Variants in UBE4B observed in about 807,000 individuals in gnomAD.
UBE4B encodes ubiquitin conjugation factor E4 B.
UBE4B carries 27 observed loss-of-function variants against 148.1 expected under a neutral mutation model. The ratio of observed to expected loss-of-function variants is 0.18; its 90% CI spans 0.13 to 0.25. UBE4B has a LOEUF of 0.25. UBE4B is among the 10% of genes least tolerant of loss of function. The probability of loss-of-function intolerance (pLI) is 1.00; values close to 1 mark genes in which losing one functional copy is unlikely to be tolerated. For missense variants in UBE4B, 1,170 were observed against 1,662.4 expected, an observed-to-expected ratio of 0.70 and a Z score of 5.15; for synonymous variants, 596 against 619.3, an observed-to-expected ratio of 0.96 and a Z score of 0.56.
At chr1:10,052,615 A>G (rs942379673) in intron 1 of UBE4B, among the ~76,000 whole-genome samples, 1 of 152,170 alleles carries the variant, frequency 6.6e-6, no homozygotes, top group Non-Finnish European at 1.5e-5. Context: ...GCTTGGTTTA[A>G]TGCTCTGCTG....
intron 7 of UBE4B, among the ~76,000 whole-genome samples, chr1:10,107,707 A>T (rs375145817): frequency 1.0e-3 from 151 of 151,454 alleles, no homozygotes; most frequent in African/African-American, 3.5e-3. Context: ...ACTCCCAAGT[A>T]GCTGGGATTA....
At position 10,151,400 on chromosome 1, in the gene UBE4B, A is replaced by G. The variant is rs1570987183; in HGVS notation, c.2765A>G (p.Gln922Arg). The G allele has an allele frequency of 6.2e-7, 1 of 1,614,212 alleles. No individual in the cohort carries two copies. Among genetic ancestry groups the G allele is most frequent in the Non-Finnish European group, 8.5e-7 (1 of 1,180,038 alleles). Residue 922 changes from glutamine (Q) to arginine (R), a missense_variant, in exon 21 of 28, where the codon CAG (glutamine) becomes CGG (arginine). Gln to Arg is a conservative substitution (Grantham distance 43). Around this residue, in one of 6 missense-constraint regions of UBE4B, gnomAD observed 348 missense variants for 627.2 expected, o/e 0.55. Transcript: ENST00000343090. ...VMFLVVMLCNQNYIRNPYLVA... is the reference protein window; with the variant it reads ...VMFLVVMLCNRNYIRNPYLVA... ...TTCCTTGTTGTGATGTTGTGCAACC[A>G]GAACTACATCCGAAACCCATATTTG...
intron 25 of UBE4B, among the ~76,000 whole-genome samples, chr1:10,178,214 A>G (rs1003938648): frequency 6.6e-6 from 1 of 152,128 alleles, no homozygotes; most frequent in African/African-American, 2.4e-5. Flanking sequence ...TTTGTGGAAG[A>G]GAGCTGAAAT....
chr1:10,179,764 C>A (rs1046705377), intron 27 of UBE4B, 131 bp from the exon 28 acceptor site: 2 of 1,366,120 alleles, frequency 1.5e-6, no homozygotes, highest in Non-Finnish European at 2.0e-6. Flanking sequence ...ATGTCCCAGT[C>A]CTTCTGGAGT....
At chr1:10,154,264 CAA>C (rs1265347061) in intron 21 of UBE4B, among the ~76,000 whole-genome samples, 1 of 150,880 alleles carries the variant, frequency 6.6e-6, no homozygotes, top group Non-Finnish European at 1.5e-5. Flanking sequence ...AAAAACAAAA[CAA>C]AACAAAATTA....
intron 1 of UBE4B, among the ~76,000 whole-genome samples, chr1:10,069,726 G>A (rs1644451490): frequency 6.6e-6 from 1 of 152,008 alleles, no homozygotes; most frequent in African/African-American, 2.4e-5. Flanking sequence ...GTAGAGACAG[G>A]GTTTTGCCGT....
At chr1:10,082,494 T>C (rs1387053279) in intron 2 of UBE4B, among the ~76,000 whole-genome samples, 1 of 152,058 alleles carries the variant, frequency 6.6e-6, no homozygotes, top group Non-Finnish European at 1.5e-5. Context: ...AGTGAGACTC[T>C]GTCTCAAAAA....
intron 21 of UBE4B, among the ~76,000 whole-genome samples, chr1:10,153,572 G>T (rs1431489982): frequency 6.8e-6 from 1 of 146,572 alleles, no homozygotes; most frequent in African/African-American, 2.5e-5. Context: ...TGTAATCCCA[G>T]CACTTTGGGA....
At position 10,161,194 on chromosome 1, in the gene UBE4B, T is replaced by A; in HGVS notation, c.3106T>A (p.Phe1036Ile). ...AAACATGTTGATAAACGACACGACGTTTTTGCTCGATGAAAGTCTGGAGTC... is the reference window on the plus strand; with the variant it reads ...AAACATGTTGATAAACGACACGACGATTTTGCTCGATGAAAGTCTGGAGTC... ...YINMLINDTT[F>I]LLDESLESLK... The change falls in exon 23 of 28, where the codon TTT (phenylalanine) becomes ATT (isoleucine). Residue 1036 changes from phenylalanine to isoleucine, a missense_variant. Coordinates refer to ENST00000343090, the MANE Select transcript of UBE4B (RefSeq NM_001105562.3). The surrounding 1 kb of genome is among the most constrained non-coding windows in gnomAD (Gnocchi z 4.1). 1 of 1,614,052 alleles carries A rather than the reference T, an allele frequency of 6.2e-7. No individual in the cohort carries two copies. The highest frequency in any genetic ancestry group is 8.5e-7 in the Non-Finnish European group (1 of 1,180,000).
chr1:10,097,052 A>AAAAAAAT (rs554089049), intron 3 of UBE4B, among the ~76,000 whole-genome samples: 33 of 138,526 alleles, frequency 2.4e-4, no homozygotes, highest in African/African-American at 7.9e-4. Context: ...AAAAAAAAAA[A>AAAAAAAT]AATAATAATA....
intron 1 of UBE4B, among the ~76,000 whole-genome samples, chr1:10,046,000 G>C (rs1421450793): frequency 6.6e-6 from 1 of 152,234 alleles, no homozygotes; most frequent in African/African-American, 2.4e-5. Context: ...TGGTATGGCA[G>C]CTCTGCGCTC....
chr1:10,040,680 C>T (rs1295079999), intron 1 of UBE4B, among the ~76,000 whole-genome samples: 2 of 151,254 alleles, frequency 1.3e-5, no homozygotes, highest in African/African-American at 4.9e-5. Flanking sequence ...TGCAATGGCG[C>T]GATCTCAGCT....
rs1176473152 is a variant in UBE4B, at chr1:10,155,082, A to AGT, written c.2927-3273_2927-3272insTG. On this transcript the variant is annotated intron_variant, in intron 21 of 27. Coordinates refer to ENST00000343090, the MANE Select transcript of UBE4B (RefSeq NM_001105562.3). ...GGCTTCAGGAGAGAGAGAGAGAGAGAGAGTGTGTGTGTGTGTGTGTGTGTG... is the reference window on the plus strand; with the variant it reads ...GGCTTCAGGAGAGAGAGAGAGAGAGAGTGAGTGTGTGTGTGTGTGTGTGTGTG... Among the ~76,000 whole-genome samples the AGT allele has an allele frequency of 3.2e-3, 465 of 147,568 alleles. 2 individuals carry two copies. Among genetic ancestry groups the AGT allele is most frequent in the African/African-American group, 0.011 (440 of 38,262 alleles).
chr1:10,129,249 G>C lies in UBE4B; in HGVS notation c.1639-143G>C, dbSNP rs921474702. The C allele has an allele frequency of 4.7e-5, 26 of 548,234 alleles. No homozygotes were observed. The East Asian group carries it at 7.3e-4, about 15-fold the overall frequency. 34.0% of individuals were successfully genotyped at this position (548,234 alleles called of 1,614,324 possible). ...TTTATTAATCAGAAAAAGTAGTGAA[G>C]CTGCTGCCATTTCAGAGGGAATGCA... On this transcript the variant is annotated intron_variant, in intron 11 of 27. Coordinates refer to ENST00000343090, the MANE Select transcript of UBE4B (RefSeq NM_001105562.3).
intron 1 of UBE4B, among the ~76,000 whole-genome samples, chr1:10,071,006 C>G (rs1644474672): frequency 6.6e-6 from 1 of 152,078 alleles, no homozygotes; most frequent in African/African-American, 2.4e-5. Flanking sequence ...CCCTCCACCT[C>G]CCGAGTTCAA....
chr1:10,161,320 G>A lies in UBE4B; in HGVS notation c.3198+34G>A, dbSNP rs375348087. On this transcript the variant is annotated intron_variant, in intron 23 of 27. Transcript: ENST00000343090. The surrounding 1 kb of genome is among the most constrained non-coding windows in gnomAD (Gnocchi z 4.1). ...GTGGTCCAGAGGCTTGGACAGCTTTGCAGGCCATCTGCCTCCACACACGGG... is the reference window on the plus strand; with the variant it reads ...GTGGTCCAGAGGCTTGGACAGCTTTACAGGCCATCTGCCTCCACACACGGG... 4.4e-6 allele frequency: 7 copies of A among 1,604,574 alleles called. No individual in the cohort carries two copies. Among genetic ancestry groups the A allele is most frequent in the Middle Eastern group, 3.4e-4 (2 of 5,948 alleles).
At chr1:10,062,299 A>T (rs879392381) in intron 1 of UBE4B, among the ~76,000 whole-genome samples, 17 of 151,510 alleles carry the variant, frequency 1.1e-4, no homozygotes, top group Admixed American at 9.9e-4. Flanking sequence ...TTAAAAATAC[A>T]TTCGATGTGT....
Position 10,033,413 on chromosome 1 carries a change from C to T in UBE4B, c.-258C>T. 5.4e-6 allele frequency: 2 copies of T among 373,696 alleles called. No individual in the cohort carries two copies. The highest frequency in any genetic ancestry group is 9.6e-6 in the Non-Finnish European group (2 of 209,298). 23.1% of individuals were successfully genotyped at this position (373,696 alleles called of 1,614,324 possible). On this transcript the variant is annotated 5_prime_UTR_variant, in exon 1 of 28. Coordinates refer to ENST00000343090, the MANE Select transcript of UBE4B (RefSeq NM_001105562.3). Reference sequence around the variant, plus strand: ...GCGCCTTAAGACAACCCTGTAGCAGCAGCAGTGGCGGCCAAAGGAGGCTGC... The same window carrying T: ...GCGCCTTAAGACAACCCTGTAGCAGTAGCAGTGGCGGCCAAAGGAGGCTGC...
Position 10,101,578 on chromosome 1 carries a change from G to A in UBE4B, c.435+383G>A, listed in dbSNP as rs113284479. Reference sequence around the variant, plus strand: ...GGCTGGAGTGCAGTGGTGCGATCTCGGCTCACTGCAAGCTCCGCCTCCCAG... The same window carrying A: ...GGCTGGAGTGCAGTGGTGCGATCTCAGCTCACTGCAAGCTCCGCCTCCCAG... On this transcript the variant is annotated intron_variant, in intron 4 of 27. Coordinates refer to ENST00000343090, the MANE Select transcript of UBE4B (RefSeq NM_001105562.3). 7.2e-3 allele frequency among the ~76,000 whole-genome samples: 995 copies of A among 138,924 alleles called. 15 individuals are homozygous for A. The highest frequency in any genetic ancestry group is 0.026 in the African/African-American group (954 of 36,518). The allele number at this position is 138,924 out of a possible 152,430, so 91.1% of individuals were successfully genotyped here.
Sources: allele counts gnomAD v4.1 joint callset (sites outside exome capture counted in the v4.1 genomes callset), GRCh38; gene constraint gnomAD v4.1.1; regional missense constraint gnomAD v4.1.1; non-coding constraint Gnocchi (gnomAD v3.1); transcripts MANE v1.5; gene names NCBI Gene and HGNC (gene_info 2026-07-23, HGNC 2026-07-21).